KCND2: variants seen among roughly 807,000 people sequenced by gnomAD.
KCND2 encodes the protein potassium voltage-gated channel subfamily D member 2.
Under a neutral mutation model 54.4 loss-of-function variants are expected in KCND2, and 16 were observed. That is an observed-to-expected ratio of 0.29 (90% CI 0.20 to 0.45). KCND2 has a LOEUF of 0.45. Among genes scored for constraint, KCND2 ranks in the 20% least tolerant of loss-of-function variants. The pLI is 1.00. For missense variants in KCND2, 486 were observed against 824.2 expected, an observed-to-expected ratio of 0.59 and a Z score of 5.02; for synonymous variants, 317 against 310.7, an observed-to-expected ratio of 1.02 and a Z score of -0.21.
chr7:120,555,769 A>C (rs993139519), intron 1 of KCND2, among the ~76,000 whole-genome samples: 1 of 152,234 alleles, frequency 6.6e-6, no homozygotes, highest in African/African-American at 2.4e-5. Flanking sequence ...TGAGCTGCTC[A>C]ATATCCCTGA....
At chr7:120,712,484 C>T (rs1792553925) in intron 1 of KCND2, among the ~76,000 whole-genome samples, 1 of 151,354 alleles carries the variant, frequency 6.6e-6, no homozygotes, top group Non-Finnish European at 1.5e-5. Context: ...TGATCTTGAA[C>T]TCCTGACCTC....
At chr7:120,413,911 C>T (rs1282662131) in intron 1 of KCND2, among the ~76,000 whole-genome samples, 1 of 151,054 alleles carries the variant, frequency 6.6e-6, no homozygotes, top group Non-Finnish European at 1.5e-5. Flanking sequence ...AGTCCTTAAA[C>T]CAATTGATTA....
intron 1 of KCND2, among the ~76,000 whole-genome samples, chr7:120,442,860 TTAAAC>T (rs1399173586): frequency 6.6e-6 from 1 of 152,116 alleles, no homozygotes; most frequent in Admixed American, 6.6e-5. Flanking sequence ...TATTTGGACT[TTAAAC>T]TATTAATAAA....
chr7:120,573,344 T>C (rs1040483847), intron 1 of KCND2, among the ~76,000 whole-genome samples: 2 of 152,214 alleles, frequency 1.3e-5, no homozygotes, highest in Admixed American at 1.3e-4. Context: ...GCAGCAAGTA[T>C]TGTTCCCAAT....
intron 1 of KCND2, among the ~76,000 whole-genome samples, chr7:120,652,170 G>A (rs1791743652): frequency 6.6e-6 from 1 of 151,946 alleles, no homozygotes; most frequent in African/African-American, 2.4e-5. Context: ...CCGCCTCCCG[G>A]GTTCAAGTGA....
At chr7:120,574,768 C>G (rs1792407022) in intron 1 of KCND2, among the ~76,000 whole-genome samples, 1 of 152,198 alleles carries the variant, frequency 6.6e-6, no homozygotes. Context: ...TCTGCCTACT[C>G]CCCTTTCTCT....
chr7:120,283,551 A>G (rs1799296993), intron 1 of KCND2, among the ~76,000 whole-genome samples: 2 of 152,196 alleles, frequency 1.3e-5, no homozygotes, highest in South Asian at 4.1e-4. Flanking sequence ...ATTTTCTAAT[A>G]CATAAGTAAA....
chr7:120,354,027 A>G (rs1800453920), intron 1 of KCND2, among the ~76,000 whole-genome samples: 1 of 152,166 alleles, frequency 6.6e-6, no homozygotes. Context: ...TGGGAAATAT[A>G]CGTAGAGTAC....
intron 1 of KCND2, among the ~76,000 whole-genome samples, chr7:120,730,857 A>G (rs1792797621): frequency 6.6e-6 from 1 of 152,188 alleles, no homozygotes. Context: ...ACAATGTTAG[A>G]GTGACTATTG....
intron 1 of KCND2, among the ~76,000 whole-genome samples, chr7:120,336,599 G>A (rs1800155877): frequency 6.6e-6 from 1 of 152,082 alleles, no homozygotes; most frequent in Non-Finnish European, 1.5e-5. Flanking sequence ...TGGATTTTAA[G>A]TTTTAATGAA....
chr7:120,412,109 T>A (rs925065674), intron 1 of KCND2, among the ~76,000 whole-genome samples: 4 of 152,066 alleles, frequency 2.6e-5, no homozygotes, highest in Non-Finnish European at 5.9e-5. Flanking sequence ...TCCCTAGCAT[T>A]GTTCAATTTT....
At chr7:120,359,626 C>A (rs1314495755) in intron 1 of KCND2, among the ~76,000 whole-genome samples, 2 of 152,114 alleles carry the variant, frequency 1.3e-5, no homozygotes, top group African/African-American at 2.4e-5. Flanking sequence ...GTAAGAACTT[C>A]TTTTGATAAT....
intron 1 of KCND2, among the ~76,000 whole-genome samples, chr7:120,670,915 C>CAAA (rs201567194): frequency 4.3e-5 from 4 of 93,384 alleles, no homozygotes; most frequent in East Asian, 2.5e-4. Context: ...GGCTCCGTCT[C>CAAA]AAAAAAAAAA....
chr7:120,652,114 T>C lies in KCND2; in HGVS notation c.1116-80789T>C, dbSNP rs758253401. Among the ~76,000 whole-genome samples, 13 of 152,052 alleles carry C rather than the reference T, an allele frequency of 8.5e-5. No individual in the cohort carries two copies. In the Middle Eastern group the frequency reaches 0.01, roughly 119 times the overall value. ...TTTTTTGAGATGGAGTCTTGCTCTG[T>C]TGTGAGGCTGGAGTGCAGTGGCACA... On this transcript the variant is annotated intron_variant, in intron 1 of 5. Coordinates refer to ENST00000331113, the MANE Select transcript of KCND2 (RefSeq NM_012281.3).
chr7:120,702,162 T>A (rs1792410632), intron 1 of KCND2, among the ~76,000 whole-genome samples: 1 of 151,936 alleles, frequency 6.6e-6, no homozygotes, highest in South Asian at 2.1e-4. Context: ...AAAGAAGACA[T>A]ACATGTGACC....
chr7:120,357,032 T>C (rs1800516315), intron 1 of KCND2, among the ~76,000 whole-genome samples: 1 of 152,154 alleles, frequency 6.6e-6, no homozygotes, highest in African/African-American at 2.4e-5. Context: ...AGCTCTTTAT[T>C]TTCCCATCCT....
At chr7:120,530,636 C>T (rs1158010997) in intron 1 of KCND2, among the ~76,000 whole-genome samples, 2 of 152,072 alleles carry the variant, frequency 1.3e-5, no homozygotes, top group African/African-American at 2.4e-5. Context: ...TACATTCACT[C>T]GGGTTTTCCC....
chr7:120,448,686 G>A (rs1254959768), intron 1 of KCND2, among the ~76,000 whole-genome samples: 1 of 152,020 alleles, frequency 6.6e-6, no homozygotes, highest in African/African-American at 2.4e-5. Context: ...TAAAATACTG[G>A]CAAACAGAAT....
At chr7:120,740,063 G>C (rs1196144175) in intron 2 of KCND2, among the ~76,000 whole-genome samples, 1 of 152,052 alleles carries the variant, frequency 6.6e-6, no homozygotes. Context: ...GTTCTGAGAT[G>C]TAATTAAAAA....
Sources: gnomAD v4.1 joint callset for allele counts (sites outside exome capture counted in the v4.1 genomes callset) on GRCh38, gnomAD v4.1.1 for gene constraint, MANE v1.5 for transcripts, NCBI Gene and HGNC (gene_info 2026-07-23, HGNC 2026-07-21) for gene names.